ZFHX3: variants seen among roughly 807,000 people sequenced by gnomAD.
ZFHX3 encodes the protein zinc finger homeobox protein 3.
A neutral mutation model predicts 279.1 loss-of-function variants in ZFHX3; 42 were observed. The ratio of observed to expected loss-of-function variants is 0.15; its 90% CI spans 0.12 to 0.19. The LOEUF is 0.19. ZFHX3 is among the 10% of genes least tolerant of loss of function. ZFHX3 has a pLI of 1.00. For synonymous variants in ZFHX3, 2,293 were observed against 1,957.8 expected, an observed-to-expected ratio of 1.17 and a Z score of -4.52; for missense variants, 4,981 against 4,754.0, an observed-to-expected ratio of 1.05 and a Z score of -1.40.
intron 5 of ZFHX3, among the ~76,000 whole-genome samples, chr16:73,151,293 G>A (rs1315608638): frequency 1.3e-5 from 2 of 152,166 alleles, no homozygotes; most frequent in African/African-American, 4.8e-5. Context: ...AGTGGTGAGG[G>A]ACATGGAGGG....
chr16:73,461,189 A>G lies in ZFHX3; in HGVS notation c.-1546-4931T>C, dbSNP rs1389992932. 3.9e-5 allele frequency among the ~76,000 whole-genome samples: 6 copies of G among 152,236 alleles called. No homozygotes were observed. In the Middle Eastern group the frequency reaches 0.017, roughly 432 times the overall value. On this transcript the variant is annotated intron_variant, in intron 2 of 17. Transcript: ENST00000641206. ...ACATTTTTCCATGTGCTCATTTGCC[A>G]TTTGTGTACCATCGTTGCTGAAATG...
chr16:73,631,223 T>C (rs958012161), intron 2 of ZFHX3, among the ~76,000 whole-genome samples: 63 of 152,214 alleles, frequency 4.1e-4, no homozygotes, highest in Admixed American at 4.1e-3. Flanking sequence ...GCTCTGAAAC[T>C]AACATGGCCC....
chr16:73,463,983 G>A lies in ZFHX3; in HGVS notation c.-1546-7725C>T, dbSNP rs112446892. ...CCATGCCTTAAGAAACAGCATTAAT[G>A]CATTAAAATAAACAATACTGTGGAT... is the stretch of plus-strand genomic sequence containing the variant. On this transcript the variant is annotated intron_variant, in intron 2 of 17. Coordinates refer to the ZFHX3 transcript ENST00000641206. Among the ~76,000 whole-genome samples, 1,194 of 152,272 alleles carry A rather than the reference G, an allele frequency of 7.8e-3. 11 individuals are homozygous for A. Among genetic ancestry groups the A allele is most frequent in the African/African-American group, 0.026 (1,100 of 41,548 alleles).
At chr16:73,510,163 C>T (rs934977048) in intron 2 of ZFHX3, among the ~76,000 whole-genome samples, 1 of 152,180 alleles carries the variant, frequency 6.6e-6, no homozygotes, top group Admixed American at 6.5e-5. Flanking sequence ...ATCAGCAAAT[C>T]TAAAGGCATC....
At chr16:73,451,972 G>T (rs570422616) in intron 3 of ZFHX3, among the ~76,000 whole-genome samples, 48 of 152,274 alleles carry the variant, frequency 3.2e-4, no homozygotes, top group African/African-American at 1.0e-3. Context: ...ATCATTTGGA[G>T]AGATGAGGGC....
chr16:73,480,964 CA>C (rs1420152700), intron 2 of ZFHX3, among the ~76,000 whole-genome samples: 2 of 152,208 alleles, frequency 1.3e-5, no homozygotes, highest in Non-Finnish European at 2.9e-5. Flanking sequence ...GTGGCCTCTG[CA>C]AAGACACGTC....
intron 5 of ZFHX3, among the ~76,000 whole-genome samples, chr16:73,194,652 G>A (rs536893253): frequency 1.2e-4 from 18 of 152,348 alleles, no homozygotes; most frequent in African/African-American, 4.3e-4. Flanking sequence ...TTGAACCCAA[G>A]CTAGGCTTCA....
At chr16:73,052,416 G>A (rs1191249205), upstream of ZFHX3, among the ~76,000 whole-genome samples, 1 of 151,836 alleles carries the variant, frequency 6.6e-6, no homozygotes, top group Non-Finnish European at 1.5e-5. Context: ...GCACAAGGCA[G>A]GAAGATAGAC....
intron 1 of ZFHX3, among the ~76,000 whole-genome samples, chr16:73,887,378 T>C (rs1014650714): frequency 3.3e-5 from 5 of 152,174 alleles, no homozygotes; most frequent in African/African-American, 1.2e-4. Flanking sequence ...TATAAATATT[T>C]GCAAAACAAA....
intron 2 of ZFHX3, among the ~76,000 whole-genome samples, chr16:73,678,928 T>C (rs2052982303): frequency 1.3e-5 from 2 of 152,154 alleles, no homozygotes; most frequent in Admixed American, 1.3e-4. Context: ...GCAGATGCGG[T>C]TCTGCTAACG....
intron 3 of ZFHX3, among the ~76,000 whole-genome samples, chr16:73,321,909 C>T (rs936045045): frequency 1.3e-5 from 2 of 152,156 alleles, no homozygotes; most frequent in Non-Finnish European, 2.9e-5. Context: ...TATCAACTTT[C>T]CATGACAGCT....
In ZFHX3 at chr16:73,430,399, T is replaced by G. The variant is rs2017889791; in HGVS notation, c.-1291+25604A>C. The stretch of plus-strand genomic sequence containing the variant: ...TATGGGTGTCCTTTATTTCCTCCAC[T>G]AAACCTGGCAAAGCTACCTCAGCTA... On this transcript the variant is annotated intron_variant, in intron 3 of 17. Transcript: ENST00000641206. Among the ~76,000 whole-genome samples, 3 of 152,326 alleles carry G rather than the reference T, an allele frequency of 2.0e-5. 1 individual carries two copies. The South Asian group carries it at 6.2e-4, about 32-fold the overall frequency.
chr16:73,650,414 GA>G (rs1452687445), intron 2 of ZFHX3, among the ~76,000 whole-genome samples: 2 of 151,468 alleles, frequency 1.3e-5, no homozygotes, highest in Non-Finnish European at 2.9e-5. Flanking sequence ...AACACCCTCA[GA>G]ATAAGAGTAA....
At chr16:73,688,356 CAAA>C (rs61469980) in intron 1 of ZFHX3, among the ~76,000 whole-genome samples, 13 of 103,782 alleles carry the variant, frequency 1.3e-4, no homozygotes, top group African/African-American at 2.4e-4. Flanking sequence ...GACTCCATCT[CAAA>C]AAAAAAAAAA....
At chr16:73,528,615 C>G (rs968130535) in intron 2 of ZFHX3, among the ~76,000 whole-genome samples, 11 of 152,168 alleles carry the variant, frequency 7.2e-5, no homozygotes, top group African/African-American at 2.7e-4. Flanking sequence ...GGGGAGAATT[C>G]AGCTGTCTGG....
chr16:73,793,850 T>G (rs1314615001), intron 1 of ZFHX3, among the ~76,000 whole-genome samples: 2 of 152,180 alleles, frequency 1.3e-5, no homozygotes, highest in Non-Finnish European at 2.9e-5. Context: ...ATACTGTACC[T>G]TTAACCTTGA....
At chr16:73,427,162 C>G (rs2017824688) in intron 3 of ZFHX3, among the ~76,000 whole-genome samples, 1 of 152,178 alleles carries the variant, frequency 6.6e-6, no homozygotes, top group African/African-American at 2.4e-5. Context: ...CTAAAAAGAA[C>G]TAAATTTTGT....
chr16:73,480,780 G>A (rs1203453172), intron 2 of ZFHX3, among the ~76,000 whole-genome samples: 4 of 152,062 alleles, frequency 2.6e-5, no homozygotes, highest in South Asian at 2.1e-4. Context: ...CCAGACACTA[G>A]CTTGTTCCAT....
chr16:73,408,384 A>T (rs765789426), intron 3 of ZFHX3, among the ~76,000 whole-genome samples: 9 of 152,168 alleles, frequency 5.9e-5, no homozygotes, highest in African/African-American at 1.2e-4. Context: ...CAATGGGATG[A>T]CATAAAAAGG....
Sources: gnomAD v4.1 joint callset for allele counts (sites outside exome capture counted in the v4.1 genomes callset) on GRCh38, gnomAD v4.1.1 for gene constraint, MANE v1.5 for transcripts, NCBI Gene and HGNC (gene_info 2026-07-23, HGNC 2026-07-21) for gene names.